Variants in OTUD7A observed in about 807,000 individuals in gnomAD.
OTUD7A encodes the protein OTU deubiquitinase 7A.
OTUD7A carries 12 observed loss-of-function variants against 65.7 expected under a neutral mutation model. The ratio of observed to expected loss-of-function variants is 0.18; its 90% CI spans 0.12 to 0.30. OTUD7A has a LOEUF of 0.30. Ranked by LOEUF, OTUD7A falls within the 10% of genes least tolerant of loss-of-function variation. OTUD7A has a pLI of 1.00. For missense variants in OTUD7A, 1,148 were observed against 1,304.8 expected (o/e 0.88, Z 1.85); for synonymous variants, 641 against 586.3 (o/e 1.09, Z -1.35).
chr15:31,590,768 T>TCATGG (rs1305206620), intron 3 of OTUD7A, among the ~76,000 whole-genome samples: 1 of 152,178 alleles, frequency 6.6e-6, no homozygotes, highest in Non-Finnish European at 1.5e-5. Flanking sequence ...AAAAGCGTTT[T>TCATGG]CATGGCAGCT....
intron 1 of OTUD7A, chr15:31,766,711 A>T: frequency 1.2e-6 from 2 of 1,610,330 alleles, no homozygotes; most frequent in Non-Finnish European, 1.7e-6. Context: ...TTGGTCTTGA[A>T]CAATCAAAGT....
intron 3 of OTUD7A, among the ~76,000 whole-genome samples, chr15:31,632,861 T>C (rs1891218714): frequency 6.6e-6 from 1 of 152,198 alleles, no homozygotes; most frequent in Non-Finnish European, 1.5e-5. Context: ...CACCTTGCAG[T>C]TTGATCTCAG....
intron 1 of OTUD7A, among the ~76,000 whole-genome samples, chr15:31,796,632 A>G (rs1450623828): frequency 6.6e-6 from 1 of 152,236 alleles, no homozygotes; most frequent in Non-Finnish European, 1.5e-5. Context: ...CAATTAATGT[A>G]AAAGAGCATA....
intron 3 of OTUD7A, among the ~76,000 whole-genome samples, chr15:31,619,928 C>T (rs1037971133): frequency 3.1e-4 from 47 of 152,180 alleles, no homozygotes; most frequent in Non-Finnish European, 2.1e-4. Context: ...CTTATTATTT[C>T]GAGATATGTC....
At chr15:31,754,171 A>T (rs1199833363) in intron 1 of OTUD7A, among the ~76,000 whole-genome samples, 1 of 152,032 alleles carries the variant, frequency 6.6e-6, no homozygotes, top group Non-Finnish European at 1.5e-5. Flanking sequence ...TCTTCTTTTG[A>T]GAATTGTCTA....
chr15:31,649,239 G>T (rs1818352371), intron 3 of OTUD7A, among the ~76,000 whole-genome samples: 1 of 152,140 alleles, frequency 6.6e-6, no homozygotes, highest in Non-Finnish European at 1.5e-5. Context: ...CTTTGATCTG[G>T]TAACACAGGA....
Position 31,663,192 on chromosome 15 carries a change from A to G in OTUD7A, c.-99-6115T>C, listed in dbSNP as rs540913357. On this transcript the variant is annotated intron_variant, in intron 1 of 12. Coordinates refer to ENST00000307050, the MANE Select transcript of OTUD7A (RefSeq NM_001382637.1). Reference sequence around the variant, plus strand: ...TGCTTTGCTCCTAACTTTAGTGGAAATAACTTTGGTGTTTCCACACTGAAA... The same window carrying G: ...TGCTTTGCTCCTAACTTTAGTGGAAGTAACTTTGGTGTTTCCACACTGAAA... 5.3e-5 allele frequency among the ~76,000 whole-genome samples: 8 copies of G among 151,448 alleles called. No individual in the cohort carries two copies. The East Asian group carries it at 1.4e-3, about 26-fold the overall frequency.
chr15:31,635,187 C>T (rs9302195), intron 3 of OTUD7A, among the ~76,000 whole-genome samples: 43,231 of 151,714 alleles, frequency 0.28, 7,210 homozygotes, highest in African/African-American at 0.47. Context: ...TGACCCACTG[C>T]TAGTCCTTCC....
chr15:31,652,730 C>T (rs1426478974), intron 3 of OTUD7A, among the ~76,000 whole-genome samples: 3 of 152,016 alleles, frequency 2.0e-5, no homozygotes, highest in Admixed American at 6.6e-5. Flanking sequence ...AAATTTTCAA[C>T]GTCATTAATT....
chr15:31,522,210 G>A, intron 8 of OTUD7A, among the ~76,000 whole-genome samples: 1 of 152,214 alleles, frequency 6.6e-6, no homozygotes. Flanking sequence ...TTGCTGGAGA[G>A]CAGAAAGCAG....
chr15:31,629,274 C>T (rs1302387393), intron 3 of OTUD7A, among the ~76,000 whole-genome samples: 2 of 152,088 alleles, frequency 1.3e-5, no homozygotes, highest in Non-Finnish European at 2.9e-5. Flanking sequence ...CCAATCAATA[C>T]CTAATTTATT....
At chr15:31,741,297 A>T (rs578260650) in intron 1 of OTUD7A, among the ~76,000 whole-genome samples, 1 of 152,322 alleles carries the variant, frequency 6.6e-6, no homozygotes, top group African/African-American at 2.4e-5. Context: ...GGATATAGAA[A>T]AAGTAAGATT....
chr15:31,865,170 C>G (rs1348834899), intron 1 of OTUD7A, among the ~76,000 whole-genome samples: 1 of 152,218 alleles, frequency 6.6e-6, no homozygotes, highest in Non-Finnish European at 1.5e-5. Flanking sequence ...AACAAATACT[C>G]CAATTCATAC....
At chr15:31,540,166 G>A (rs551802012) in intron 5 of OTUD7A, among the ~76,000 whole-genome samples, 3 of 152,200 alleles carry the variant, frequency 2.0e-5, no homozygotes, top group Middle Eastern at 6.8e-3. Context: ...AAGCTAATAG[G>A]TGACTTCTCT....
intron 6 of OTUD7A, among the ~76,000 whole-genome samples, chr15:31,528,608 C>T (rs574912321): frequency 2.6e-5 from 4 of 152,356 alleles, no homozygotes; most frequent in African/African-American, 4.8e-5. Context: ...TGTCACTCCT[C>T]GCTCATCCTC....
intron 3 of OTUD7A, among the ~76,000 whole-genome samples, chr15:31,578,813 A>C (rs372389770): frequency 5.3e-5 from 8 of 152,162 alleles, no homozygotes; most frequent in East Asian, 3.9e-4. Flanking sequence ...GGCCTCCCAA[A>C]GCACTGGGAT....
intron 8 of OTUD7A, among the ~76,000 whole-genome samples, chr15:31,525,119 A>G (rs943731849): frequency 5.9e-5 from 9 of 152,192 alleles, no homozygotes; most frequent in African/African-American, 2.2e-4. Flanking sequence ...GCCTGGATCC[A>G]GTCTGCCAGC....
At chr15:31,682,533 T>C (rs1892742133) in intron 1 of OTUD7A, among the ~76,000 whole-genome samples, 2 of 152,212 alleles carry the variant, frequency 1.3e-5, no homozygotes, top group African/African-American at 2.4e-5. Context: ...TAGTAAAGGA[T>C]AGACACGTTT....
chr15:31,512,629 GGTTA>G (rs1375311593), intron 8 of OTUD7A, among the ~76,000 whole-genome samples: 3 of 152,184 alleles, frequency 2.0e-5, no homozygotes, highest in African/African-American at 4.8e-5. Flanking sequence ...TGTTTTGATT[GGTTA>G]GTAACTTAGA....
Sources: allele counts gnomAD v4.1 joint callset (sites outside exome capture counted in the v4.1 genomes callset), GRCh38; gene constraint gnomAD v4.1.1; transcripts MANE v1.5; gene names NCBI Gene and HGNC (gene_info 2026-07-23, HGNC 2026-07-21).